Variants in ERC2 observed in about 807,000 individuals in gnomAD.
ERC2 encodes the protein ERC protein 2.
Under a neutral mutation model 114.8 loss-of-function variants are expected in ERC2, and 42 were observed. That is an observed-to-expected ratio of 0.37 (90% CI 0.29 to 0.47). The LOEUF is 0.47. ERC2 is among the 20% of genes least tolerant of loss of function. The pLI is 0.99. For synonymous variants in ERC2, 454 were observed against 425.5 expected, an observed-to-expected ratio of 1.07 and a Z score of -0.82; for missense variants, 939 against 1,150.7, an observed-to-expected ratio of 0.82 and a Z score of 2.66.
intron 15 of ERC2, 144 bp from the exon 16 acceptor site, chr3:55,699,656 A>C: frequency 1.1e-6 from 1 of 898,830 alleles, no homozygotes; most frequent in Non-Finnish European, 1.6e-6. Flanking sequence ...AAACTTAATA[A>C]AGAAAGCACC....
intron 17 of ERC2, among the ~76,000 whole-genome samples, chr3:55,530,850 G>A (rs371286864): frequency 6.6e-6 from 1 of 152,284 alleles, no homozygotes; most frequent in African/African-American, 2.4e-5. Context: ...AGTCAGAGGT[G>A]GGGGTGGGCA....
intron 3 of ERC2, among the ~76,000 whole-genome samples, chr3:56,292,107 T>A (rs2055125655): frequency 6.6e-6 from 1 of 152,206 alleles, no homozygotes; most frequent in African/African-American, 2.4e-5. Context: ...CTGCCTTCTC[T>A]GGTCCCCTTC....
intron 17 of ERC2, among the ~76,000 whole-genome samples, chr3:55,529,541 A>C (rs1254696890): frequency 6.6e-6 from 1 of 152,232 alleles, no homozygotes; most frequent in Non-Finnish European, 1.5e-5. Context: ...TCCCTGGAAG[A>C]ATGTCCACCA....
chr3:55,916,612 T>C (rs989665768), intron 13 of ERC2, among the ~76,000 whole-genome samples: 1 of 152,192 alleles, frequency 6.6e-6, no homozygotes, highest in Non-Finnish European at 1.5e-5. Flanking sequence ...GTGTTCCCAC[T>C]GCAGGTAGCT....
intron 17 of ERC2, among the ~76,000 whole-genome samples, chr3:55,631,017 A>AATC (rs1314885996): frequency 6.6e-6 from 1 of 152,046 alleles, no homozygotes; most frequent in Non-Finnish European, 1.5e-5. Context: ...CCTGGTGGTG[A>AATC]AGATAGCTAT....
At chr3:56,126,862 C>T (rs201817893) in intron 6 of ERC2, among the ~76,000 whole-genome samples, 3 of 55,960 alleles carry the variant, frequency 5.4e-5, no homozygotes. Flanking sequence ...AAAAGAAAGG[C>T]AAGGCAAGGC....
chr3:56,202,282 C>T (rs1222234507), intron 3 of ERC2, among the ~76,000 whole-genome samples: 1 of 152,146 alleles, frequency 6.6e-6, no homozygotes, highest in African/African-American at 2.4e-5. Context: ...AGGATAAAAA[C>T]TAATTTCTCT....
At chr3:56,028,528 T>C (rs1204976066) in intron 7 of ERC2, among the ~76,000 whole-genome samples, 2 of 152,150 alleles carry the variant, frequency 1.3e-5, no homozygotes, top group Non-Finnish European at 2.9e-5. Context: ...TTTTCCTAAG[T>C]TTACATCTAC....
chr3:56,036,746 A>G (rs1431690680), intron 7 of ERC2, among the ~76,000 whole-genome samples: 1 of 152,180 alleles, frequency 6.6e-6, no homozygotes, highest in Admixed American at 6.5e-5. Flanking sequence ...CGCTTTTTCT[A>G]TGAACCTGTA....
intron 2 of ERC2, among the ~76,000 whole-genome samples, chr3:56,366,821 T>G (rs2059168571): frequency 6.6e-6 from 1 of 152,224 alleles, no homozygotes; most frequent in Non-Finnish European, 1.5e-5. Context: ...AGCATCCACT[T>G]GGACAAACGT....
chr3:56,181,953 A>G (rs1184116009), intron 3 of ERC2, among the ~76,000 whole-genome samples: 2 of 152,206 alleles, frequency 1.3e-5, no homozygotes, highest in African/African-American at 4.8e-5. Flanking sequence ...GCCCTGTCCA[A>G]CAGCCTGATT....
At chr3:55,528,994 A>C (rs1347455309) in intron 17 of ERC2, among the ~76,000 whole-genome samples, 3 of 152,186 alleles carry the variant, frequency 2.0e-5, no homozygotes, top group African/African-American at 7.2e-5. Context: ...GGCTAAATCC[A>C]AGGTTGCAAT....
chr3:55,914,173 G>C (rs767452293), intron 13 of ERC2, among the ~76,000 whole-genome samples: 1 of 152,100 alleles, frequency 6.6e-6, no homozygotes, highest in Non-Finnish European at 1.5e-5. Flanking sequence ...CTGATGCAAA[G>C]ATGTCTCTGA....
chr3:56,062,412 A>C (rs79569107), intron 7 of ERC2, among the ~76,000 whole-genome samples: 3 of 152,130 alleles, frequency 2.0e-5, no homozygotes, highest in Non-Finnish European at 4.4e-5. Context: ...CCATGTATCT[A>C]TCTGCTCTAG....
In ERC2 at chr3:56,434,711, C is replaced by G. The variant is rs1303768364; in HGVS notation, c.297G>C (p.Gly99=). ...CAGCAGAAGCAATATTGGGACTACTCCCCATGGCTGTGACACGGCCTCCAT... is the reference window on the plus strand; with the variant it reads ...CAGCAGAAGCAATATTGGGACTACTGCCCATGGCTGTGACACGGCCTCCAT... ...AVYGGRVTAM[G]SSPNIASAGL... is the part of the protein sequence containing the mutation. The change falls in exon 2 of 18, where the codon GGG becomes GGC. Residue 99 remains glycine (G), a synonymous_variant. Coordinates refer to ENST00000288221, the MANE Select transcript of ERC2 (RefSeq NM_015576.3). The G allele has an allele frequency of 6.2e-7, 1 of 1,613,870 alleles. No homozygotes were observed. The highest frequency in any genetic ancestry group is 1.3e-5 in the African/African-American group (1 of 74,906).
In ERC2 at chr3:55,616,296, A is replaced by T. The variant is rs143090896; in HGVS notation, c.*39+67498T>A. 7.0e-5 allele frequency among the ~76,000 whole-genome samples: 10 copies of T among 141,964 alleles called. No homozygotes were observed. In the East Asian group the frequency reaches 3.0e-3, roughly 42 times the overall value. The allele number at this position is 141,964 out of a possible 152,430, so 93.1% of individuals were successfully genotyped here. On this transcript the variant is annotated intron_variant, in intron 17 of 17. Coordinates refer to ENST00000288221, the MANE Select transcript of ERC2 (RefSeq NM_015576.3). The stretch of plus-strand genomic sequence containing the variant: ...ACCAAGATTTGGATAAGTAGCAGCC[A>T]CTTAGGAAAGGAGTTCCATTGGCCG...
chr3:55,750,132 G>C (rs1173327416), intron 14 of ERC2, among the ~76,000 whole-genome samples: 1 of 150,310 alleles, frequency 6.7e-6, no homozygotes, highest in Non-Finnish European at 1.5e-5. Flanking sequence ...CAATGGGTAA[G>C]GCTTGCAAAC....
intron 5 of ERC2, among the ~76,000 whole-genome samples, chr3:56,142,201 C>T (rs2080893904): frequency 6.6e-6 from 1 of 152,104 alleles, no homozygotes; most frequent in African/African-American, 2.4e-5. Flanking sequence ...AATTTTCACA[C>T]TTATTTGCAG....
chr3:56,005,629 T>A (rs1183361163), intron 10 of ERC2, among the ~76,000 whole-genome samples: 2 of 151,988 alleles, frequency 1.3e-5, no homozygotes, highest in African/African-American at 4.8e-5. Flanking sequence ...TCCATAACAA[T>A]GACTCATCAG....
Sources: allele counts gnomAD v4.1 joint callset (sites outside exome capture counted in the v4.1 genomes callset), GRCh38; gene constraint gnomAD v4.1.1; transcripts MANE v1.5; gene names NCBI Gene and HGNC (gene_info 2026-07-23, HGNC 2026-07-21).